Variants in DIAPH2 observed in about 807,000 individuals in gnomAD.
DIAPH2 encodes diaphanous related formin 2.
A neutral mutation model predicts 92.7 loss-of-function variants in DIAPH2; 35 were observed. The observed-to-expected ratio is 0.38, with a 90% CI of 0.29 to 0.50. DIAPH2 has a LOEUF of 0.50. Among genes scored for constraint, DIAPH2 ranks in the 20% least tolerant of loss-of-function variants. The pLI, the probability that DIAPH2 is intolerant of heterozygous loss-of-function variation, is 0.94. For missense variants in DIAPH2, 701 were observed against 819.5 expected (o/e 0.86, Z 1.77); for synonymous variants, 301 against 280.4 (o/e 1.07, Z -0.73).
intron 24 of DIAPH2, among the ~76,000 whole-genome samples, chrX:97,349,077 TATA>T (rs1315181990): frequency 3.4e-5 from 3 of 88,831 alleles, no homozygotes; most frequent in African/African-American, 1.2e-4. Context: ...TATATATATA[TATA>T]TATTTTTTTT....
At chrX:96,718,504 C>A (rs1424529993) in intron 1 of DIAPH2, among the ~76,000 whole-genome samples, 1 of 107,901 alleles carries the variant, frequency 9.3e-6, no homozygotes, top group Non-Finnish European at 1.9e-5. Context: ...TAGGCGCGTG[C>A]CATCATACCC....
At chrX:96,741,457 T>C (rs1390009806) in intron 3 of DIAPH2, among the ~76,000 whole-genome samples, 2 of 95,763 alleles carry the variant, frequency 2.1e-5, no homozygotes, top group African/African-American at 7.7e-5. Flanking sequence ...CATGGTCAAT[T>C]CTCAGTTCTC....
chrX:97,001,298 A>G (rs906711629), intron 17 of DIAPH2, among the ~76,000 whole-genome samples: 2 of 112,060 alleles, frequency 1.8e-5, no homozygotes, highest in Admixed American at 9.5e-5. Flanking sequence ...ATTAACTTAC[A>G]TAATACAAAA....
chrX:97,387,947 C>T (rs1034532415), intron 25 of DIAPH2, among the ~76,000 whole-genome samples: 1 of 111,760 alleles, frequency 8.9e-6, no homozygotes, highest in Non-Finnish European at 1.9e-5. Flanking sequence ...GTCTAAGAAG[C>T]CATTGTATAT....
At chrX:97,104,728 T>A (rs1453150998) in intron 20 of DIAPH2, among the ~76,000 whole-genome samples, 1 of 111,133 alleles carries the variant, frequency 9.0e-6, no homozygotes, top group Non-Finnish European at 1.9e-5. Flanking sequence ...CCCTATAGAG[T>A]TTCCTTGATT....
At chrX:97,340,614 G>C in intron 23 of DIAPH2, among the ~76,000 whole-genome samples, 1 of 110,247 alleles carries the variant, frequency 9.1e-6, no homozygotes. Flanking sequence ...CTGCCTGTAA[G>C]CCACCAAATA....
At chrX:97,445,680 T>C (rs1267922605) in intron 26 of DIAPH2, among the ~76,000 whole-genome samples, 1 of 108,618 alleles carries the variant, frequency 9.2e-6, no homozygotes, top group Non-Finnish European at 1.9e-5. Flanking sequence ...ACTCCTGACC[T>C]CAGGTGATCT....
intron 13 of DIAPH2, 59 bp from the exon 14 acceptor site, chrX:96,945,468 G>C (rs960354767): frequency 1.2e-6 from 1 of 864,456 alleles, no homozygotes; most frequent in African/African-American, 2.1e-5. Flanking sequence ...GCTAGAAGAC[G>C]TCTTTTGTCT....
chrX:97,367,820 A>G (rs2069396840), intron 24 of DIAPH2, among the ~76,000 whole-genome samples: 1 of 108,961 alleles, frequency 9.2e-6, no homozygotes, highest in African/African-American at 3.4e-5. Context: ...CTCCTGCCTC[A>G]GCCTCCCAAG....
intron 26 of DIAPH2, among the ~76,000 whole-genome samples, chrX:97,486,512 G>T (rs1314002161): frequency 9.0e-6 from 1 of 111,691 alleles, no homozygotes; most frequent in Non-Finnish European, 1.9e-5. Flanking sequence ...AATTACCCAG[G>T]CAGTGGGAGC....
At chrX:96,746,819 G>T (rs994727672) in intron 3 of DIAPH2, among the ~76,000 whole-genome samples, 2 of 111,199 alleles carry the variant, frequency 1.8e-5, no homozygotes, top group Non-Finnish European at 1.9e-5. Context: ...AGTGCTGGGG[G>T]TTACACTGTA....
chrX:97,309,321 GAACTCCTGGCCTCAGGTGATCC>G (rs2068774701), intron 23 of DIAPH2, among the ~76,000 whole-genome samples: 1 of 109,804 alleles, frequency 9.1e-6, no homozygotes, highest in Non-Finnish European at 1.9e-5. Context: ...CTGGTCTCTC[GAACTCCTGGCCTCAGGTGATCC>G]GCCCACCTCA....
Position 97,474,986 on chromosome X carries a change from C to A in DIAPH2, c.3241+45241C>A, listed in dbSNP as rs188636661. Among the ~76,000 whole-genome samples, 10 of 109,983 alleles carry A rather than the reference C, an allele frequency of 9.1e-5. No homozygotes were observed. The Admixed American group carries it at 9.8e-4, about 11-fold the overall frequency. On this transcript the variant is annotated intron_variant, in intron 26 of 26. Transcript: ENST00000324765. The stretch of plus-strand genomic sequence containing the variant: ...ATTCTCCTTTGCCAGGACCTCCCCC[C>A]ACCCTCCACTTTTGGTTTAATCTAG...
At chrX:96,718,338 T>G (rs1382966612) in intron 1 of DIAPH2, among the ~76,000 whole-genome samples, 1 of 31,865 alleles carries the variant, frequency 3.1e-5, no homozygotes, top group African/African-American at 1.1e-4. Context: ...TTTTCTTTGT[T>G]TTTTTTTTTT....
chrX:97,274,279 G>A (rs1340578708), intron 23 of DIAPH2, among the ~76,000 whole-genome samples: 6 of 110,317 alleles, frequency 5.4e-5, no homozygotes, highest in Admixed American at 9.7e-5. Flanking sequence ...GGAGGCTGAG[G>A]CAGGCAGATC....
chrX:97,477,772 A>T (rs780395427), intron 26 of DIAPH2, among the ~76,000 whole-genome samples: 11 of 111,872 alleles, frequency 9.8e-5, no homozygotes, highest in Non-Finnish European at 1.5e-4. Flanking sequence ...AATAATTACT[A>T]AATTGAAGTA....
In DIAPH2 at chrX:97,068,611, T is replaced by C. The variant is rs141853448; in HGVS notation, c.2051-4330T>C. ...CAGAGTAGATTTCCCGTACCTTTCA[T>C]TGCCATTCTTGCACTCATTTTAATA... is the stretch of plus-strand genomic sequence containing the variant. On this transcript the variant is annotated intron_variant, in intron 17 of 26. Coordinates refer to ENST00000324765, the MANE Select transcript of DIAPH2 (RefSeq NM_006729.5). Among the ~76,000 whole-genome samples the C allele has an allele frequency of 9.9e-3, 1,102 of 111,861 alleles. 17 individuals carry two copies. Among genetic ancestry groups the C allele is most frequent in the African/African-American group, 0.034 (1,038 of 30,837 alleles).
chrX:96,900,026 A>G (rs1411998770), intron 5 of DIAPH2, among the ~76,000 whole-genome samples: 5 of 111,582 alleles, frequency 4.5e-5, no homozygotes, highest in Non-Finnish European at 3.8e-5. Context: ...GCTCGATTAC[A>G]TTTATTGACT....
chrX:96,893,760 A>G (rs980568507), intron 5 of DIAPH2, among the ~76,000 whole-genome samples: 3 of 112,178 alleles, frequency 2.7e-5, no homozygotes, highest in South Asian at 3.7e-4. Context: ...TGGACTTTTG[A>G]TAGAAGTTGG....
Sources: allele counts gnomAD v4.1 joint callset (sites outside exome capture counted in the v4.1 genomes callset), GRCh38; gene constraint gnomAD v4.1.1; transcripts MANE v1.5; gene names NCBI Gene and HGNC (gene_info 2026-07-23, HGNC 2026-07-21).